The following MTR variants were observed in gnomAD, a reference collection of about 807,000 sequenced individuals.
The protein encoded by MTR is methionine synthase.
Under a neutral mutation model 154.8 loss-of-function variants are expected in MTR, and 84 were observed. The observed-to-expected ratio is 0.54, with a 90% CI of 0.45 to 0.65. The LOEUF (loss-of-function observed/expected upper bound fraction) is 0.65. Ranked by LOEUF, MTR falls within the 30% of genes least tolerant of loss-of-function variation. The pLI is 0.00. For missense variants in MTR, 1,275 were observed against 1,570.2 expected (o/e 0.81, Z 3.18); for synonymous variants, 554 against 553.9 (o/e 1.00, Z 0.00).
chr1:236,862,313 C>A lies in MTR; in HGVS notation c.2274C>A (p.Thr758=), dbSNP rs767757094. 6.2e-7 allele frequency: 1 copy of A among 1,613,878 alleles called. No homozygotes were observed. Among genetic ancestry groups the A allele is most frequent in the Admixed American group, 1.7e-5 (1 of 60,008 alleles). The change falls in exon 21 of 33, where the codon ACC becomes ACA. Residue 758 remains threonine, a synonymous_variant. Coordinates refer to ENST00000366577, the MANE Select transcript of MTR (RefSeq NM_000254.3). ...TCATGGAAAAAGAAAGAGAAGAAAC[C>A]AGAGTGCTTAACGGCACAGTAGAAG... ...IPFMEKEREE[T]RVLNGTVEEE...
At chr1:236,804,581 A>T (rs1371625162) in intron 2 of MTR, among the ~76,000 whole-genome samples, 15 of 152,208 alleles carry the variant, frequency 9.9e-5, no homozygotes, top group Non-Finnish European at 2.2e-4. Flanking sequence ...TATTCCATGT[A>T]TATATCATCA....
chr1:236,897,217 G>A lies in MTR; in HGVS notation c.3711+99G>A, dbSNP rs1181269612. On this transcript the variant is annotated intron_variant, in intron 32 of 32. Transcript: ENST00000366577. ...TGAATGAGAATAAAGTGAGGGGAAA[G>A]GATGAAGAAATTTACTCCAGTTAAT... is the stretch of plus-strand genomic sequence containing the variant. The A allele has an allele frequency of 1.0e-5, 10 of 980,712 alleles. No individual in the cohort carries two copies. In the African/African-American group the frequency reaches 1.6e-4, roughly 16 times the overall value. 60.8% of individuals were successfully genotyped at this position (980,712 alleles called of 1,614,324 possible).
intron 22 of MTR, 94 bp downstream of exon 22, chr1:236,863,648 C>A: frequency 9.2e-7 from 1 of 1,087,388 alleles, no homozygotes; most frequent in Non-Finnish European, 1.4e-6. Flanking sequence ...AAGAGTAGGG[C>A]ATGGCAGTGG....
chr1:236,863,402 T>G, intron 21 of MTR, 52 bp from the exon 22 acceptor site: 1 of 1,425,380 alleles, frequency 7.0e-7, no homozygotes, highest in Non-Finnish European at 9.9e-7. Context: ...GAGAACTAGG[T>G]GTTCCACCCT....
intron 24 of MTR, among the ~76,000 whole-genome samples, chr1:236,879,962 G>C (rs1467801067): frequency 6.6e-6 from 1 of 151,552 alleles, no homozygotes; most frequent in East Asian, 1.9e-4. Context: ...GACCATCCTG[G>C]CTAACACAGT....
intron 23 of MTR, 87 bp downstream of exon 23, chr1:236,873,927 T>G: frequency 2.3e-6 from 3 of 1,283,266 alleles, no homozygotes; most frequent in Non-Finnish European, 3.4e-6. Flanking sequence ...CAGTGAATAG[T>G]GATGCCCCAT....
At chr1:236,855,824 C>G (rs1353719393) in intron 18 of MTR, among the ~76,000 whole-genome samples, 1 of 152,170 alleles carries the variant, frequency 6.6e-6, no homozygotes, top group East Asian at 1.9e-4. Context: ...GTGCCTGGGT[C>G]TGGTCTTCCT....
At chr1:236,811,017 T>C (rs1030518879) in intron 5 of MTR, among the ~76,000 whole-genome samples, 6 of 152,194 alleles carry the variant, frequency 3.9e-5, no homozygotes, top group Non-Finnish European at 7.3e-5. Flanking sequence ...GATAAAGGCG[T>C]ACAAGACTGG....
At chr1:236,865,578 T>C (rs1307667720) in intron 22 of MTR, among the ~76,000 whole-genome samples, 1 of 152,228 alleles carries the variant, frequency 6.6e-6, no homozygotes, top group Non-Finnish European at 1.5e-5. Context: ...GTTTTTTCTT[T>C]GTGGGGATAA....
At chr1:236,833,327 C>T (rs1662722109) in intron 13 of MTR, among the ~76,000 whole-genome samples, 1 of 152,198 alleles carries the variant, frequency 6.6e-6, no homozygotes, top group Non-Finnish European at 1.5e-5. Flanking sequence ...AAGAAGCAAA[C>T]AGGTGGAAGT....
chr1:236,867,419 C>T (rs1357089133), intron 22 of MTR, among the ~76,000 whole-genome samples: 1 of 152,160 alleles, frequency 6.6e-6, no homozygotes, highest in Non-Finnish European at 1.5e-5. Flanking sequence ...AAATATTACT[C>T]CTCATTGACA....
At chr1:236,809,426 C>T (rs564955290) in intron 4 of MTR, among the ~76,000 whole-genome samples, 2 of 152,264 alleles carry the variant, frequency 1.3e-5, no homozygotes, top group Non-Finnish European at 2.9e-5. Flanking sequence ...TATATGTAGC[C>T]CCTTAAGACT....
intron 11 of MTR, among the ~76,000 whole-genome samples, chr1:236,827,964 C>T (rs866828280): frequency 3.9e-5 from 6 of 151,994 alleles, no homozygotes; most frequent in Non-Finnish European, 8.8e-5. Flanking sequence ...ATGTGATAGA[C>T]TCTTAGTAAA....
intron 1 of MTR, among the ~76,000 whole-genome samples, chr1:236,802,851 A>G (rs967412593): frequency 3.9e-5 from 6 of 152,112 alleles, no homozygotes; most frequent in Non-Finnish European, 7.4e-5. Context: ...AGGAGTAAGC[A>G]TTGGGCCCTT....
intron 2 of MTR, among the ~76,000 whole-genome samples, chr1:236,805,706 C>T (rs1660942877): frequency 6.6e-6 from 1 of 151,936 alleles, no homozygotes; most frequent in African/African-American, 2.4e-5. Flanking sequence ...CTATGTTGCA[C>T]AGACTGGTCT....
intron 22 of MTR, among the ~76,000 whole-genome samples, chr1:236,867,639 C>T (rs1253851144): frequency 6.6e-6 from 1 of 152,148 alleles, no homozygotes; most frequent in Non-Finnish European, 1.5e-5. Context: ...ATTCACCATT[C>T]TAGATGCCAT....
At position 236,824,100 on chromosome 1, in the gene MTR, G is replaced by A. The variant is rs753453102; in HGVS notation, c.765-19G>A. 1 of 1,588,252 alleles carries A rather than the reference G, an allele frequency of 6.3e-7. No individual in the cohort carries two copies. Among genetic ancestry groups the A allele is most frequent in the South Asian group, 1.1e-5 (1 of 90,512 alleles). On this transcript the variant is annotated intron_variant, in intron 8 of 32. Coordinates refer to ENST00000366577, the MANE Select transcript of MTR (RefSeq NM_000254.3). ...GAATGAGAGATGATGCTTTTAATATGTTTTTTCTGTTTTTCTAGCATTGGA... is the reference window on the plus strand; with the variant it reads ...GAATGAGAGATGATGCTTTTAATATATTTTTTCTGTTTTTCTAGCATTGGA...
Position 236,897,857 on chromosome 1 carries a change from G to A in MTR, c.*213G>A, listed in dbSNP as rs570017038. ...AGGCGCTGTTTTTTTGGGACCTTGC[G>A]TGAAGAGCAGTGAGCAGGGTTCCTG... On this transcript the variant is annotated 3_prime_UTR_variant, in exon 33 of 33. Coordinates refer to ENST00000366577, the MANE Select transcript of MTR (RefSeq NM_000254.3). The A allele has an allele frequency of 6.6e-5, 38 of 576,120 alleles. No individual in the cohort carries two copies. The highest frequency in any genetic ancestry group is 3.7e-4 in the Admixed American group (12 of 32,742). The allele number at this position is 576,120 out of a possible 1,614,324, so 35.7% of individuals were successfully genotyped here.
rs541131488 is a variant in MTR, at chr1:236,807,611, C to T, written c.340-1093C>T. On this transcript the variant is annotated intron_variant, in intron 3 of 32. Transcript: ENST00000366577. ...TTGGCAGATTTGATTTCCTTTTAATCGACATGATGCTTCCATATTTAAATT... is the reference window on the plus strand; with the variant it reads ...TTGGCAGATTTGATTTCCTTTTAATTGACATGATGCTTCCATATTTAAATT... Among the ~76,000 whole-genome samples, 25 of 152,180 alleles carry T rather than the reference C, an allele frequency of 1.6e-4. No homozygotes were observed. In the East Asian group the frequency reaches 4.3e-3, roughly 26 times the overall value.
Sources: gnomAD v4.1 joint callset for allele counts (sites outside exome capture counted in the v4.1 genomes callset) on GRCh38, gnomAD v4.1.1 for gene constraint, MANE v1.5 for transcripts, NCBI Gene and HGNC (gene_info 2026-07-23, HGNC 2026-07-21) for gene names.